The following CBARP variants were observed in gnomAD, a reference collection of about 807,000 sequenced individuals.
The protein encoded by CBARP is voltage-dependent calcium channel beta subunit-associated regulatory protein.
In CBARP, 24 loss-of-function variants were observed where a neutral mutation model predicts 36.3. That is an observed-to-expected ratio of 0.66 (90% CI 0.48 to 0.93). CBARP has a LOEUF of 0.93. Ranked by LOEUF, CBARP falls within the 40% of genes least tolerant of loss-of-function variation. The pLI, the probability that CBARP is intolerant of heterozygous loss-of-function variation, is 0.00. For missense variants in CBARP, 1,146 were observed against 980.4 expected, an observed-to-expected ratio of 1.17 and a Z score of -2.26; for synonymous variants, 586 against 453.2, an observed-to-expected ratio of 1.29 and a Z score of -3.72.
In CBARP at chr19:1,234,665, A is replaced by G; in HGVS notation, c.533T>C (p.Ile178Thr). ...LTHLHLPPLK[I>T]VTIHECDSGE... ...TGAGTCACACTCGTGGATGGTGACA[A>G]TCTTGAGGGGCGGCAGGTGCAGGTG... The change falls in exon 6 of 10, where the codon ATT (isoleucine) becomes ACT (threonine). Residue 178 changes from isoleucine to threonine, a missense_variant. Transcript: ENST00000650044. 2 of 1,612,694 alleles carry G rather than the reference A, an allele frequency of 1.2e-6. No homozygotes were observed. Among genetic ancestry groups the G allele is most frequent in the African/African-American group, 1.3e-5 (1 of 75,046 alleles).
At chr19:1,237,331 G>T (rs1421139202) in intron 1 of CBARP, among the ~76,000 whole-genome samples, 1 of 152,166 alleles carries the variant, frequency 6.6e-6, no homozygotes, top group African/African-American at 2.4e-5. Context: ...TGGAGGGGGT[G>T]GGGACAGGCG....
At chr19:1,231,058 G>A (rs1223809470) in intron 9 of CBARP, 43 bp downstream of exon 9, 1 of 1,571,056 alleles carries the variant, frequency 6.4e-7, no homozygotes, top group East Asian at 2.3e-5. Context: ...GGGGGCAAGG[G>A]CCCACAGGTC....
At position 1,235,536 on chromosome 19, in the gene CBARP, G is replaced by C; in HGVS notation, c.275C>G (p.Thr92Ser). The change falls in exon 4 of 10, where the codon ACC (threonine) becomes AGC (serine). Residue 92 changes from threonine (T) to serine (S), a missense_variant. Thr to Ser is a moderately conservative substitution (Grantham distance 58). Transcript: ENST00000650044. Reference protein sequence around the residue: ...RAMEEAEKTTTTYLDNGTHPA... With the variant: ...RAMEEAEKTTSTYLDNGTHPA... ...GTGGGTGCCGTTGTCCAGGTAGGTG[G>C]TGGTGGTCTTCTCCGCTTCCTCCAT... 2 of 1,607,006 alleles carry C rather than the reference G, an allele frequency of 1.2e-6. No individual in the cohort carries two copies. Among genetic ancestry groups the C allele is most frequent in the Non-Finnish European group, 1.7e-6 (2 of 1,177,436 alleles).
At position 1,231,245 on chromosome 19, in the gene CBARP, T is replaced by A; in HGVS notation, c.1010A>T (p.Gln337Leu). 1 of 1,601,822 alleles carries A rather than the reference T, an allele frequency of 6.2e-7. No individual in the cohort carries two copies. Among genetic ancestry groups the A allele is most frequent in the Non-Finnish European group, 8.5e-7 (1 of 1,179,538 alleles). Residue 337 changes from glutamine to leucine, a missense_variant, in exon 9 of 10, where the codon CAG (glutamine) becomes CTG (leucine). By Grantham distance (113) the Gln-to-Leu change is moderately radical (BLOSUM62 -2). Coordinates refer to ENST00000650044, the MANE Select transcript of CBARP (RefSeq NM_001393918.1). Reference sequence around the variant, plus strand: ...CTCCGTGCTCTCACTGGCTGCCCGCTGCCGCTGGAAGTGGTGCCGCTTGGG... The same window carrying A: ...CTCCGTGCTCTCACTGGCTGCCCGCAGCCGCTGGAAGTGGTGCCGCTTGGG... Reference protein sequence around the residue: ...GSPKRHHFQRQRAASESTEQE... With the variant: ...GSPKRHHFQRLRAASESTEQE...
chr19:1,237,075 G>T (rs56265137), intron 1 of CBARP, among the ~76,000 whole-genome samples: 25,671 of 152,140 alleles, frequency 0.17, 2,644 homozygotes, highest in East Asian at 0.32. Context: ...TGGCGCCGGG[G>T]TGCTCGGCGG....
At position 1,228,744 on chromosome 19, in the gene CBARP, C is replaced by G. The variant is rs1182293672; in HGVS notation, c.*435G>C. The G allele has an allele frequency of 6.8e-6, 1 of 147,064 alleles. No individual in the cohort carries two copies. Among genetic ancestry groups the G allele is most frequent in the African/African-American group, 2.5e-5 (1 of 40,762 alleles). 9.1% of individuals were successfully genotyped at this position (147,064 alleles called of 1,614,324 possible). The stretch of plus-strand genomic sequence containing the variant: ...CGGCCCCCGCCCGGGCGAGCTCGCG[C>G]ACGCGCCCGGCACGCGGCGGCTCCA... On this transcript the variant is annotated 3_prime_UTR_variant, in exon 10 of 10. Transcript: ENST00000650044.
chr19:1,232,535 G>A (rs1250640002), intron 8 of CBARP, among the ~76,000 whole-genome samples: 1 of 152,164 alleles, frequency 6.6e-6, no homozygotes, highest in Non-Finnish European at 1.5e-5. Context: ...GAGCAGGGCT[G>A]GTGCCTGCTG....
chr19:1,235,576 CGTTGG>C lies in CBARP; in HGVS notation c.246-16_246-12del. 6.2e-7 allele frequency: 1 copy of C among 1,607,044 alleles called. No individual in the cohort carries two copies. The highest frequency in any genetic ancestry group is 8.5e-7 in the Non-Finnish European group (1 of 1,177,206). On this transcript the variant is annotated splice_polypyrimidine_tract_variant and intron_variant, in intron 3 of 9. Coordinates refer to ENST00000650044, the MANE Select transcript of CBARP (RefSeq NM_001393918.1). ...GCTTCCTCCATGGCCCTGGGAGAGA[CGTTGG>C]GAGAGCCCAGTGGCACGGAGGGCCC...
chr19:1,234,616 C>T lies in CBARP; in HGVS notation c.582G>A (p.Thr194=), dbSNP rs779189297. 4.4e-6 allele frequency: 7 copies of T among 1,608,954 alleles called. No homozygotes were observed. The highest frequency in any genetic ancestry group is 2.2e-5 in the East Asian group (1 of 44,710). The change falls in exon 6 of 10, where the codon ACG becomes ACA. Residue 194 remains threonine, a synonymous_variant. Transcript: ENST00000650044. The stretch of plus-strand genomic sequence containing the variant: ...CCTTGGGAGAGGTGGCCGGGTGGGG[C>T]GTGGTGGCTGAGCTGGCCTCGCCTG... ...CDSGEASSAT[T]PHPATSPKAT... is the part of the protein sequence containing the mutation.
intron 1 of CBARP, among the ~76,000 whole-genome samples, chr19:1,237,539 C>T (rs2145463849): frequency 6.6e-6 from 1 of 152,222 alleles, no homozygotes; most frequent in East Asian, 1.9e-4. Flanking sequence ...ACGCCATCGT[C>T]CTCGCCCGAC....
In CBARP at chr19:1,237,844, G is replaced by A. The variant is rs1459599414; in HGVS notation, c.-110C>T. On this transcript the variant is annotated 5_prime_UTR_variant, in exon 1 of 10. Coordinates refer to ENST00000650044, the MANE Select transcript of CBARP (RefSeq NM_001393918.1). ...CGGCTGGCTCCGGCGCCCGGTGGCC[G>A]CGGAGCAGGCGGAGAATTTATGAAT... 1 of 148,018 alleles carries A rather than the reference G, an allele frequency of 6.8e-6. No individual in the cohort carries two copies. The highest frequency in any genetic ancestry group is 2.4e-5 in the African/African-American group (1 of 41,030). 9.2% of individuals were successfully genotyped at this position (148,018 alleles called of 1,614,324 possible). A position where few individuals can be genotyped will look rare whatever the true frequency, so the allele number is the denominator to read the frequency against.
In CBARP at chr19:1,236,067, T is replaced by C. The variant is rs143196649; in HGVS notation, c.34A>G (p.Thr12Ala). 46 of 1,502,912 alleles carry C rather than the reference T, an allele frequency of 3.1e-5. No individual in the cohort carries two copies. Among genetic ancestry groups the C allele is most frequent in the South Asian group, 1.1e-4 (8 of 74,654 alleles). The allele number at this position is 1,502,912 out of a possible 1,614,324, so 93.1% of individuals were successfully genotyped here. The change falls in exon 2 of 10, where the codon ACC becomes GCC. Residue 12 changes from threonine (T) to alanine (A), a missense_variant. Physicochemically the swap from Thr to Ala is moderately conservative, Grantham distance 58 (BLOSUM62 0). Transcript: ENST00000650044. ...GTGGCAGTGGTGGTGGTGGTGGTGG[T>C]GGCGGCTGTGGCCATGGTGGCTGTG... is the stretch of plus-strand genomic sequence containing the variant. ...QPTATMATAATTTTTTTATVA... is the reference protein window; with the variant it reads ...QPTATMATAAATTTTTTATVA...
intron 3 of CBARP, 41 bp from the exon 4 acceptor site, chr19:1,235,606 C>G (rs752884744): frequency 9.4e-6 from 15 of 1,594,010 alleles, no homozygotes; most frequent in Non-Finnish European, 1.3e-5. Context: ...ACGGAGGGCC[C>G]AGATAGCCAC....
At position 1,231,282 on chromosome 19, in the gene CBARP, A is replaced by ACGGGATGTGCCGTAAGCGTCAGC. The variant is rs2080888587; in HGVS notation, c.980-30_980-8dup. The ACGGGATGTGCCGTAAGCGTCAGC allele has an allele frequency of 2.5e-6, 4 of 1,598,582 alleles. No homozygotes were observed. The highest frequency in any genetic ancestry group is 3.4e-6 in the Non-Finnish European group (4 of 1,178,968). On this transcript the variant is annotated splice_polypyrimidine_tract_variant and splice_region_variant and intron_variant, in intron 8 of 9. Coordinates refer to ENST00000650044, the MANE Select transcript of CBARP (RefSeq NM_001393918.1). ...TGGTGCCGCTTGGGGGAACCTGCGCACGGGATGTGCCGTAAGCGTCAGCCG... is the reference window on the plus strand; with the variant it reads ...TGGTGCCGCTTGGGGGAACCTGCGCACGGGATGTGCCGTAAGCGTCAGCCGGGATGTGCCGTAAGCGTCAGCCG...
rs1299854071 is a variant in CBARP at position 1,229,945 on chromosome 19, G to A, written c.1352C>T (p.Ser451Leu). The A allele has an allele frequency of 3.3e-6, 4 of 1,198,470 alleles. No individual in the cohort carries two copies. Among genetic ancestry groups the A allele is most frequent in the African/African-American group, 1.7e-5 (1 of 60,318 alleles). The allele number at this position is 1,198,470 out of a possible 1,614,324, so 74.2% of individuals were successfully genotyped here. The change falls in exon 10 of 10, where the codon TCG becomes TTG. Residue 451 changes from serine (S) to leucine (L), a missense_variant. Transcript: ENST00000650044. This position sits in a 1 kb window ranked among gnomAD's most constrained non-coding sequence, Gnocchi z 5.1. ...GTCGTTGCCGCTGCTGCTGTGGTCC[G>A]AGGCGGCCGCATGCAGCTCAAGCGA... is the stretch of plus-strand genomic sequence containing the variant. ...RASLELHAAA[S>L]DHSSSGNDRD...
At chr19:1,234,924 C>T (rs1432840157) in intron 5 of CBARP, 77 bp downstream of exon 5, 2 of 1,534,288 alleles carry the variant, frequency 1.3e-6, no homozygotes, top group Non-Finnish European at 1.8e-6. Flanking sequence ...GCAGCCTCCG[C>T]ACCCAGCTCC....
At chr19:1,237,370 T>C (rs2080989909) in intron 1 of CBARP, among the ~76,000 whole-genome samples, 1 of 148,102 alleles carries the variant, frequency 6.8e-6, no homozygotes, top group Non-Finnish European at 1.5e-5. Flanking sequence ...CCGGGGAAGA[T>C]GGCAGGAGGC....
chr19:1,231,042 G>T, intron 9 of CBARP, 59 bp downstream of exon 9: 2 of 1,557,810 alleles, frequency 1.3e-6, no homozygotes, highest in East Asian at 2.3e-5. Flanking sequence ...CTAGGGGGGG[G>T]CGAAGGGGGG....
At chr19:1,230,905 T>C (rs1309669133) in intron 9 of CBARP, 196 bp downstream of exon 9, 1 of 1,568,124 alleles carries the variant, frequency 6.4e-7, no homozygotes, top group East Asian at 2.3e-5. Context: ...ACCCAGTCTC[T>C]CCCTGCTTCC....
Sources: allele counts gnomAD v4.1 joint callset (sites outside exome capture counted in the v4.1 genomes callset), GRCh38; gene constraint gnomAD v4.1.1; non-coding constraint Gnocchi (gnomAD v3.1); transcripts MANE v1.5; gene names NCBI Gene and HGNC (gene_info 2026-07-23, HGNC 2026-07-21).